The following CHM variants were observed in gnomAD, a reference collection of about 807,000 sequenced individuals.
The protein encoded by CHM is rab proteins geranylgeranyltransferase component A 1.
In CHM, 10 loss-of-function variants were observed where a neutral mutation model predicts 49.0. The ratio of observed to expected loss-of-function variants is 0.20; its 90% CI spans 0.13 to 0.35. The LOEUF (loss-of-function observed/expected upper bound fraction) is 0.35, where lower values mean the gene tolerates loss of function less well. Among genes scored for constraint, CHM ranks in the 10% least tolerant of loss-of-function variants. The pLI, the probability that CHM is intolerant of heterozygous loss-of-function variation, is 1.00. For missense variants in CHM, 455 were observed against 478.4 expected, an observed-to-expected ratio of 0.95 and a Z score of 0.46; for synonymous variants, 184 against 167.5, an observed-to-expected ratio of 1.10 and a Z score of -0.76.
At chrX:85,970,204 T>C (rs1603266028) in intron 4 of CHM, 1 of 586,008 alleles carries the variant, frequency 1.7e-6, no homozygotes, top group Non-Finnish European at 2.1e-6. Context: ...CCCATGAATA[T>C]ATACAATTAT....
chrX:86,026,097 ATTT>A (rs1398285252), intron 2 of CHM, among the ~76,000 whole-genome samples: 1 of 30,483 alleles, frequency 3.3e-5, no homozygotes, highest in African/African-American at 9.6e-5. Context: ...AAGGTAGCAG[ATTT>A]TCTTTTTTTT....
At chrX:86,010,395 A>G (rs1933025126) in intron 2 of CHM, among the ~76,000 whole-genome samples, 1 of 109,442 alleles carries the variant, frequency 9.1e-6, no homozygotes, top group African/African-American at 3.3e-5. Context: ...TGAAATTCAA[A>G]TAAGGTCTGT....
At chrX:86,045,967 A>G (rs1163482376) in intron 1 of CHM, among the ~76,000 whole-genome samples, 1 of 112,417 alleles carries the variant, frequency 8.9e-6, no homozygotes, top group Admixed American at 9.4e-5. Flanking sequence ...ACATCTGTTC[A>G]TAGCAGCTAC....
intron 8 of CHM, among the ~76,000 whole-genome samples, chrX:85,931,690 A>T (rs1375836823): frequency 3.6e-5 from 4 of 111,433 alleles, no homozygotes; most frequent in African/African-American, 9.8e-5. Context: ...GGAGAAAAAA[A>T]TGGTGTCACA....
At chrX:85,984,302 G>T (rs1477668375) in intron 2 of CHM, among the ~76,000 whole-genome samples, 1 of 111,966 alleles carries the variant, frequency 8.9e-6, no homozygotes, top group African/African-American at 3.2e-5. Flanking sequence ...AGGTAAAAAT[G>T]GGCAAAGGGT....
intron 8 of CHM, among the ~76,000 whole-genome samples, chrX:85,913,374 A>AAGAAAGAAAG (rs1438535612): frequency 9.9e-6 from 1 of 101,123 alleles, no homozygotes; most frequent in Non-Finnish European, 2.1e-5. Context: ...GAAAGAAAGA[A>AAGAAAGAAAG]AGAAAGAAAG....
chrX:85,972,386 G>A (rs1930978092), intron 4 of CHM, among the ~76,000 whole-genome samples: 1 of 113,446 alleles, frequency 8.8e-6, no homozygotes, highest in African/African-American at 3.2e-5. Context: ...GCGGTTGATG[G>A]GACTGGGCGC....
intron 13 of CHM, among the ~76,000 whole-genome samples, chrX:85,877,636 T>C (rs918535821): frequency 1.8e-5 from 2 of 111,728 alleles, no homozygotes; most frequent in Non-Finnish European, 3.8e-5. Context: ...CTTAAAGTGA[T>C]GGGTATCCCA....
intron 1 of CHM, among the ~76,000 whole-genome samples, chrX:86,044,660 T>C (rs1934590741): frequency 9.0e-6 from 1 of 111,706 alleles, no homozygotes; most frequent in Non-Finnish European, 1.9e-5. Flanking sequence ...TACTTGTCTA[T>C]AATCCACAAA....
intron 8 of CHM, among the ~76,000 whole-genome samples, chrX:85,947,520 A>G (rs987662183): frequency 9.0e-6 from 1 of 111,292 alleles, no homozygotes; most frequent in African/African-American, 3.3e-5. Flanking sequence ...CCTTCCCAGA[A>G]GTTGAGCAGA....
intron 8 of CHM, among the ~76,000 whole-genome samples, chrX:85,942,445 T>C (rs1386612594): frequency 1.8e-5 from 2 of 111,364 alleles, no homozygotes; most frequent in Non-Finnish European, 3.8e-5. Flanking sequence ...GCCTGTGAAA[T>C]GTGATGAAAC....
chrX:85,920,269 C>A (rs1192570785), intron 8 of CHM, among the ~76,000 whole-genome samples: 1 of 109,358 alleles, frequency 9.1e-6, no homozygotes, highest in Non-Finnish European at 1.9e-5. Flanking sequence ...CTAATTTTTT[C>A]TATTTTTTAG....
At chrX:85,960,613 A>G (rs1930240997) in intron 5 of CHM, among the ~76,000 whole-genome samples, 1 of 109,916 alleles carries the variant, frequency 9.1e-6, no homozygotes, top group Non-Finnish European at 1.9e-5. Flanking sequence ...TTAGTAGCAC[A>G]CAGGGTTTCA....
At chrX:85,965,745 T>C (rs764026613) in intron 4 of CHM, among the ~76,000 whole-genome samples, 1 of 111,620 alleles carries the variant, frequency 9.0e-6, no homozygotes, top group East Asian at 2.8e-4. Flanking sequence ...CACTCAAATG[T>C]CAAGAAATAA....
chrX:85,986,141 G>A lies in CHM; in HGVS notation c.117-4332C>T, dbSNP rs750390993. On this transcript the variant is annotated intron_variant, in intron 2 of 14. Coordinates refer to ENST00000357749, the MANE Select transcript of CHM (RefSeq NM_000390.4). ...AGGTCACACCCACCCCCGACTGCTC[G>A]CCACTAGAGAACACCCAGGTTGGGC... 2.8e-4 allele frequency among the ~76,000 whole-genome samples: 31 copies of A among 111,052 alleles called. No individual in the cohort carries two copies. In the East Asian group the frequency reaches 6.6e-3, roughly 23 times the overall value.
chrX:85,869,524 C>T (rs1191112508), intron 14 of CHM, among the ~76,000 whole-genome samples: 2 of 110,568 alleles, frequency 1.8e-5, no homozygotes, highest in Non-Finnish European at 3.8e-5. Context: ...TGCAGGTTGT[C>T]ACACCACTCT....
At chrX:85,988,686 A>G (rs963312028) in intron 2 of CHM, among the ~76,000 whole-genome samples, 7 of 111,667 alleles carry the variant, frequency 6.3e-5, no homozygotes, top group Non-Finnish European at 1.9e-5. Context: ...AAAAATCCCT[A>G]CCATTCCCAT....
chrX:85,947,900 G>A (rs1929503512), intron 8 of CHM, among the ~76,000 whole-genome samples: 1 of 111,743 alleles, frequency 8.9e-6, no homozygotes, highest in Non-Finnish European at 1.9e-5. Flanking sequence ...TATACCACAA[G>A]CTACAAGTGA....
At chrX:85,998,401 T>G (rs1163521728) in intron 2 of CHM, among the ~76,000 whole-genome samples, 1 of 111,661 alleles carries the variant, frequency 9.0e-6, no homozygotes, top group African/African-American at 3.3e-5. Flanking sequence ...GAGTGGTATG[T>G]GGGAAGGATA....
Sources: gnomAD v4.1 joint callset for allele counts (sites outside exome capture counted in the v4.1 genomes callset) on GRCh38, gnomAD v4.1.1 for gene constraint, MANE v1.5 for transcripts, NCBI Gene and HGNC (gene_info 2026-07-23, HGNC 2026-07-21) for gene names.